Variants in FAM13A observed in about 807,000 individuals in gnomAD.
FAM13A encodes family with sequence similarity 13 member A, also known as protein FAM13A.
A neutral mutation model predicts 129.6 loss-of-function variants in FAM13A; 76 were observed. That is an observed-to-expected ratio of 0.59 (90% CI 0.49 to 0.71). The LOEUF (loss-of-function observed/expected upper bound fraction) is 0.71, where lower values mean the gene tolerates loss of function less well. FAM13A is among the 30% of genes least tolerant of loss of function. The pLI is 0.00. For synonymous variants in FAM13A, 443 were observed against 449.9 expected (o/e 0.98, Z 0.20); for missense variants, 1,108 against 1,249.3 (o/e 0.89, Z 1.70).
chr4:89,053,477 G>C (rs1363961955), intron 1 of FAM13A, among the ~76,000 whole-genome samples: 1 of 151,956 alleles, frequency 6.6e-6, no homozygotes, highest in Non-Finnish European at 1.5e-5. Context: ...CCCATGAATG[G>C]CATATTTTAA....
At chr4:88,795,511 A>G (rs370700716) in intron 8 of FAM13A, among the ~76,000 whole-genome samples, 2 of 151,832 alleles carry the variant, frequency 1.3e-5, no homozygotes, top group East Asian at 3.8e-4. Flanking sequence ...ACTAAGGTCT[A>G]TATTAACAAA....
intron 13 of FAM13A, among the ~76,000 whole-genome samples, chr4:88,762,846 TTTG>T (rs1417429452): frequency 6.6e-6 from 1 of 152,170 alleles, no homozygotes; most frequent in Non-Finnish European, 1.5e-5. Flanking sequence ...GGTTTCAACT[TTTG>T]TTGTTTACAT....
chr4:88,738,005 G>GA (rs1362303079), intron 20 of FAM13A, among the ~76,000 whole-genome samples: 1 of 152,222 alleles, frequency 6.6e-6, no homozygotes, highest in Non-Finnish European at 1.5e-5. Context: ...CCTGGAGAAT[G>GA]AAAACAACTC....
intron 1 of FAM13A, among the ~76,000 whole-genome samples, chr4:89,041,116 G>T (rs1353366017): frequency 2.0e-5 from 3 of 152,198 alleles, no homozygotes; most frequent in Non-Finnish European, 4.4e-5. Flanking sequence ...ATAAAGAGAG[G>T]TGTTAATGAG....
At chr4:88,733,753 G>C (rs1032619478) in intron 21 of FAM13A, among the ~76,000 whole-genome samples, 1 of 152,200 alleles carries the variant, frequency 6.6e-6, no homozygotes, top group Admixed American at 6.5e-5. Context: ...TAGTAATTCA[G>C]TTTGAAAAGA....
At chr4:88,945,781 T>C (rs13135630) in intron 4 of FAM13A, among the ~76,000 whole-genome samples, 1 of 143,070 alleles carries the variant, frequency 7.0e-6, no homozygotes, top group Admixed American at 7.2e-5. Context: ...TACTATGTGG[T>C]TGTATATATA....
At chr4:88,739,833 G>A (rs530348319) in intron 19 of FAM13A, among the ~76,000 whole-genome samples, 1 of 148,212 alleles carries the variant, frequency 6.7e-6, no homozygotes, top group South Asian at 2.2e-4. Context: ...TCATTTACTT[G>A]TCTTTCTCCT....
intron 6 of FAM13A, among the ~76,000 whole-genome samples, chr4:88,860,389 T>G (rs114228305): frequency 0.012 from 1,841 of 152,336 alleles, 38 homozygotes; most frequent in African/African-American, 0.042. Flanking sequence ...GTTAAGCTGC[T>G]TCTTCTGGAA....
intron 6 of FAM13A, among the ~76,000 whole-genome samples, chr4:88,873,844 A>T (rs1741880460): frequency 6.6e-6 from 1 of 152,170 alleles, no homozygotes; most frequent in African/African-American, 2.4e-5. Flanking sequence ...CAAAAAAGAG[A>T]ATTTTAGACC....
chr4:88,866,233 A>T (rs1342457380), intron 6 of FAM13A, among the ~76,000 whole-genome samples: 1 of 152,024 alleles, frequency 6.6e-6, no homozygotes, highest in Non-Finnish European at 1.5e-5. Flanking sequence ...TTTTTAGTAG[A>T]GACGCGGTTT....
At chr4:88,826,766 T>C (rs1159841160) in intron 7 of FAM13A, among the ~76,000 whole-genome samples, 1 of 152,208 alleles carries the variant, frequency 6.6e-6, no homozygotes, top group Non-Finnish European at 1.5e-5. Flanking sequence ...CCTCTTGGTT[T>C]AGGAGAAAGG....
At chr4:88,894,037 A>T (rs1745870493) in intron 6 of FAM13A, among the ~76,000 whole-genome samples, 1 of 152,196 alleles carries the variant, frequency 6.6e-6, no homozygotes, top group African/African-American at 2.4e-5. Flanking sequence ...TATAACCATT[A>T]GGTTGAGAAA....
chr4:89,034,435 A>T (rs1381728160), intron 1 of FAM13A, among the ~76,000 whole-genome samples: 1 of 152,192 alleles, frequency 6.6e-6, no homozygotes, highest in Non-Finnish European at 1.5e-5. Context: ...AGATGTTGTC[A>T]GGGTTGCAGA....
intron 5 of FAM13A, among the ~76,000 whole-genome samples, chr4:88,907,252 T>C (rs1390488290): frequency 6.6e-6 from 1 of 152,220 alleles, no homozygotes; most frequent in East Asian, 1.9e-4. Context: ...AGGAAAATTA[T>C]AGGCAACAAG....
rs1215716394 is a variant in FAM13A, at chr4:88,938,694, T to C, written c.606-453A>G. Among the ~76,000 whole-genome samples the C allele has an allele frequency of 2.0e-5, 3 of 152,154 alleles. No individual in the cohort carries two copies. The East Asian group carries it at 5.8e-4, about 29-fold the overall frequency. On this transcript the variant is annotated intron_variant, in intron 4 of 23. Coordinates refer to ENST00000264344, the MANE Select transcript of FAM13A (RefSeq NM_014883.4). ...TACTTCTGGGGAAAAATAATGATAA[T>C]TGTTGAGCTAAGTGATGAGCGCATG...
intron 11 of FAM13A, among the ~76,000 whole-genome samples, chr4:88,774,417 G>A (rs1218253169): frequency 2.0e-5 from 3 of 152,314 alleles, no homozygotes; most frequent in Non-Finnish European, 4.4e-5. Flanking sequence ...ATAGTTAGTT[G>A]TTGTGTGATT....
intron 23 of FAM13A, chr4:88,729,736 TC>T (rs1325165634): frequency 6.6e-6 from 1 of 152,198 alleles, no homozygotes; most frequent in African/African-American, 2.4e-5. Context: ...TAAGTTAACG[TC>T]CTCCATTGAC....
chr4:88,844,332 C>T (rs374253427), intron 7 of FAM13A, among the ~76,000 whole-genome samples: 30 of 152,250 alleles, frequency 2.0e-4, no homozygotes, highest in African/African-American at 6.3e-4. Flanking sequence ...TAATCTCAGC[C>T]TGATTCTATA....
intron 19 of FAM13A, among the ~76,000 whole-genome samples, chr4:88,745,753 A>T (rs757082953): frequency 6.6e-6 from 1 of 152,244 alleles, no homozygotes. Context: ...TTCAAAAAAA[A>T]TCCCAAACAA....
Sources: allele counts gnomAD v4.1 joint callset (sites outside exome capture counted in the v4.1 genomes callset), GRCh38; gene constraint gnomAD v4.1.1; transcripts MANE v1.5; gene names NCBI Gene and HGNC (gene_info 2026-07-23, HGNC 2026-07-21).